Variants in WBP1L observed in about 807,000 individuals in gnomAD.
WBP1L encodes WW domain binding protein 1 like.
In WBP1L, 17 loss-of-function variants were observed where a neutral mutation model predicts 33.7. The observed-to-expected ratio is 0.50, with a 90% CI of 0.34 to 0.76. The LOEUF (loss-of-function observed/expected upper bound fraction) is 0.76, where lower values mean the gene tolerates loss of function less well. Among genes scored for constraint, WBP1L ranks in the 30% least tolerant of loss-of-function variants. WBP1L has a pLI of 0.01. For synonymous variants in WBP1L, 173 were observed against 190.8 expected (o/e 0.91, Z 0.77); for missense variants, 389 against 469.4 (o/e 0.83, Z 1.58).
At chr10:102,776,901 A>G (rs1843271273) in intron 1 of WBP1L, among the ~76,000 whole-genome samples, 2 of 152,094 alleles carry the variant, frequency 1.3e-5, no homozygotes, top group Admixed American at 1.3e-4. Context: ...CCTTTCAAGC[A>G]TGTGCCTGGG....
At chr10:102,755,158 A>G (rs1842961150) in intron 1 of WBP1L, among the ~76,000 whole-genome samples, 1 of 152,062 alleles carries the variant, frequency 6.6e-6, no homozygotes, top group African/African-American at 2.4e-5. Flanking sequence ...CATGTTGGCC[A>G]GGCTGGTCTT....
intron 1 of WBP1L, chr10:102,776,315 G>T (rs1429146467): frequency 6.2e-7 from 1 of 1,613,322 alleles, no homozygotes; most frequent in Non-Finnish European, 8.5e-7. Flanking sequence ...GGCCCACCAG[G>T]GGCAATGCTC....
intron 1 of WBP1L, among the ~76,000 whole-genome samples, chr10:102,793,720 A>C (rs931583070): frequency 6.6e-6 from 1 of 152,026 alleles, no homozygotes; most frequent in Non-Finnish European, 1.5e-5. Flanking sequence ...CCAAGGTCAC[A>C]CAGTTAATAG....
intron 1 of WBP1L, among the ~76,000 whole-genome samples, chr10:102,778,637 GT>G (rs1176839968): frequency 1.3e-5 from 2 of 152,222 alleles, no homozygotes; most frequent in Admixed American, 6.5e-5. Context: ...TGACTCAAAT[GT>G]TGCCTGTACA....
At chr10:102,754,203 T>C (rs1469970494) in intron 1 of WBP1L, among the ~76,000 whole-genome samples, 1 of 152,250 alleles carries the variant, frequency 6.6e-6, no homozygotes, top group African/African-American at 2.4e-5. Context: ...AATACAGAAT[T>C]GAATAGTGTG....
At chr10:102,800,482 A>G (rs1843640589) in intron 2 of WBP1L, among the ~76,000 whole-genome samples, 1 of 152,170 alleles carries the variant, frequency 6.6e-6, no homozygotes, top group African/African-American at 2.4e-5. Context: ...CAAGGGCTTA[A>G]AGAAAGTCAG....
At chr10:102,785,703 C>A (rs1843406059) in intron 1 of WBP1L, among the ~76,000 whole-genome samples, 1 of 152,216 alleles carries the variant, frequency 6.6e-6, no homozygotes, top group Non-Finnish European at 1.5e-5. Flanking sequence ...CTGAGTGCCA[C>A]CTGCTACTCA....
chr10:102,755,479 C>T (rs1174210385), intron 1 of WBP1L, among the ~76,000 whole-genome samples: 1 of 151,988 alleles, frequency 6.6e-6, no homozygotes, highest in Non-Finnish European at 1.5e-5. Context: ...GCAACCTCCG[C>T]CTCCTGGGTA....
At chr10:102,812,444 C>A in intron 3 of WBP1L, 151 bp from the exon 4 acceptor site, 1 of 901,864 alleles carries the variant, frequency 1.1e-6, no homozygotes, top group Non-Finnish European at 1.6e-6. Flanking sequence ...TCGCAGCTGT[C>A]TCTCCTCTGC....
intron 1 of WBP1L, among the ~76,000 whole-genome samples, chr10:102,745,666 G>T (rs896284426): frequency 1.8e-4 from 28 of 152,140 alleles, no homozygotes; most frequent in African/African-American, 6.3e-4. Context: ...GTAACATTCT[G>T]TTATCTGTAA....
intron 1 of WBP1L, among the ~76,000 whole-genome samples, chr10:102,777,891 G>T (rs182120980): frequency 2.6e-5 from 4 of 152,284 alleles, no homozygotes; most frequent in African/African-American, 4.8e-5. Flanking sequence ...TAACCTATGG[G>T]CAGAGTGAGC....
intron 1 of WBP1L, among the ~76,000 whole-genome samples, chr10:102,772,193 C>T (rs994940410): frequency 6.0e-5 from 9 of 149,086 alleles, no homozygotes; most frequent in African/African-American, 1.5e-4. Context: ...CTCCCGACTT[C>T]GTGATCCACC....
chr10:102,809,832 A>G (rs1843802575), intron 2 of WBP1L, 61 bp from the exon 3 acceptor site: 2 of 1,542,068 alleles, frequency 1.3e-6, no homozygotes, highest in African/African-American at 1.4e-5. Flanking sequence ...CTGTTCCGCA[A>G]GCTGCCCCTC....
chr10:102,809,004 G>A (rs1458316601), intron 2 of WBP1L, among the ~76,000 whole-genome samples: 2 of 152,222 alleles, frequency 1.3e-5, no homozygotes, highest in East Asian at 1.9e-4. Flanking sequence ...CTGGAGAGAT[G>A]CCTTGGCACT....
intron 1 of WBP1L, among the ~76,000 whole-genome samples, chr10:102,758,553 C>CT (rs1843003424): frequency 6.6e-6 from 1 of 152,140 alleles, no homozygotes; most frequent in East Asian, 1.9e-4. Context: ...TACTTCATAC[C>CT]TTTTTATGGT....
chr10:102,809,804 C>G, intron 2 of WBP1L, 89 bp from the exon 3 acceptor site: 1 of 1,447,976 alleles, frequency 6.9e-7, no homozygotes. Context: ...ACCACGTGGG[C>G]ACCGTCCAGG....
chr10:102,775,150 C>T (rs499770), intron 1 of WBP1L, among the ~76,000 whole-genome samples: 2 of 145,580 alleles, frequency 1.4e-5, no homozygotes, highest in Non-Finnish European at 3.0e-5. Context: ...AAGTAACTTT[C>T]GATTTATAAA....
Position 102,813,511 on chromosome 10 carries a change from T to G in WBP1L, c.*180T>G. The stretch of plus-strand genomic sequence containing the variant: ...CTCCAGGTACAGTTCGGGGTGTGGA[T>G]GCCTCTTCCTCCACAAGGGCACAGT... On this transcript the variant is annotated 3_prime_UTR_variant, in exon 4 of 4. Transcript: ENST00000448841. The G allele has an allele frequency of 1.2e-6, 1 of 827,714 alleles. No homozygotes were observed. Among genetic ancestry groups the G allele is most frequent in the East Asian group, 2.7e-5 (1 of 37,084 alleles). 51.3% of individuals were successfully genotyped at this position (827,714 alleles called of 1,614,324 possible).
intron 1 of WBP1L, among the ~76,000 whole-genome samples, chr10:102,794,771 G>A (rs1297105685): frequency 2.0e-5 from 3 of 152,058 alleles, no homozygotes; most frequent in South Asian, 2.1e-4. Context: ...AGGGGGGTGC[G>A]AGGAGAGCTG....
Sources: allele counts gnomAD v4.1 joint callset (sites outside exome capture counted in the v4.1 genomes callset), GRCh38; gene constraint gnomAD v4.1.1; transcripts MANE v1.5; gene names NCBI Gene and HGNC (gene_info 2026-07-23, HGNC 2026-07-21).